MPRIP: variants seen among roughly 807,000 people sequenced by gnomAD.
MPRIP encodes myosin phosphatase Rho interacting protein, also known as myosin phosphatase Rho-interacting protein.
In MPRIP, 59 loss-of-function variants were observed where a neutral mutation model predicts 234.9. The ratio of observed to expected loss-of-function variants is 0.25; its 90% CI spans 0.20 to 0.31. MPRIP has a LOEUF of 0.31. Ranked by LOEUF, MPRIP falls within the 10% of genes least tolerant of loss-of-function variation. The pLI is 1.00. For missense variants in MPRIP, 2,436 were observed against 3,071.0 expected (o/e 0.79, Z 4.89); for synonymous variants, 1,144 against 1,263.9 (o/e 0.91, Z 2.01).
chr17:17,131,895 G>A (rs1031193253), intron 5 of MPRIP, among the ~76,000 whole-genome samples, 194 bp downstream of exon 5: 2 of 152,220 alleles, frequency 1.3e-5, no homozygotes, highest in South Asian at 4.1e-4. Flanking sequence ...AACAGGGACA[G>A]GGTGGCCTGC....
At chr17:17,160,243 G>A (rs2045833728) in intron 14 of MPRIP, among the ~76,000 whole-genome samples, 2 of 152,224 alleles carry the variant, frequency 1.3e-5, no homozygotes, top group Admixed American at 6.5e-5. Context: ...GTGCATTCCT[G>A]TAGTCCCAGC....
rs779207790 is a variant in MPRIP at position 17,177,353 on chromosome 17, A to G, written c.7061A>G (p.Lys2354Arg). The change falls in exon 22 of 24, where the codon AAG becomes AGG. Residue 2354 changes from lysine to arginine, a missense_variant. Lys to Arg is a conservative substitution (Grantham distance 26, BLOSUM62 2). Transcript: ENST00000651222. The part of the protein sequence containing the change: ...CDISRLKEQL[K>R]AATEALGEKS... The stretch of plus-strand genomic sequence containing the variant: ...ATCAGCAGGTTGAAGGAGCAGCTCA[A>G]GGCTGCAACGGAAGCACTGGGGGAG... The G allele has an allele frequency of 1.4e-5, 22 of 1,613,930 alleles. 1 individual carries two copies. The highest frequency in any genetic ancestry group is 1.6e-4 in the Middle Eastern group (1 of 6,062).
At chr17:17,144,503 G>T (rs889106841) in intron 9 of MPRIP, among the ~76,000 whole-genome samples, 1 of 152,258 alleles carries the variant, frequency 6.6e-6, no homozygotes, top group East Asian at 1.9e-4. Context: ...ATTGGGGTCA[G>T]ATTGCAGGCT....
At position 17,138,642 on chromosome 17, in the gene MPRIP, C is replaced by T. The variant is rs997359249; in HGVS notation, c.1250+213C>T. Among the ~76,000 whole-genome samples the T allele has an allele frequency of 5.3e-5, 8 of 152,226 alleles. No homozygotes were observed. The highest frequency in any genetic ancestry group is 8.8e-5 in the Non-Finnish European group (6 of 68,038). ...TGCAGAATTTCTGAGCATCAGAGGT[C>T]GACGCCAAGAATAGCAGTTTTCACA... On this transcript the variant is annotated intron_variant, in intron 7 of 23. Transcript: ENST00000651222. The surrounding 1 kb of genome is among the most constrained non-coding windows in gnomAD (Gnocchi z 5.8).
At chr17:17,092,213 A>G (rs1406903530) in intron 3 of MPRIP, among the ~76,000 whole-genome samples, 1 of 152,264 alleles carries the variant, frequency 6.6e-6, no homozygotes, top group Non-Finnish European at 1.5e-5. Context: ...GGCTAGAGCC[A>G]CAGGTGTCAG....
chr17:17,082,285 ATTTTT>A (rs71355536), intron 3 of MPRIP, among the ~76,000 whole-genome samples: 5 of 88,700 alleles, frequency 5.6e-5, no homozygotes, highest in African/African-American at 1.4e-4. Context: ...GCTTTTTCCA[ATTTTT>A]TTTTTTTTTT....
chr17:17,136,607 A>G (rs139163752), intron 6 of MPRIP, among the ~76,000 whole-genome samples, 157 bp downstream of exon 6: 1 of 152,320 alleles, frequency 6.6e-6, no homozygotes, highest in East Asian at 1.9e-4. Flanking sequence ...CTGGCCTGGT[A>G]TGTTCTGAGA....
intron 10 of MPRIP, among the ~76,000 whole-genome samples, chr17:17,146,535 G>A (rs1347547958): frequency 6.6e-6 from 1 of 152,224 alleles, no homozygotes; most frequent in Non-Finnish European, 1.5e-5. Context: ...AGACCCCTCA[G>A]CTGCAGTGGC....
At chr17:17,112,231 A>G (rs1412119724) in intron 3 of MPRIP, among the ~76,000 whole-genome samples, 1 of 150,400 alleles carries the variant, frequency 6.6e-6, no homozygotes, top group Non-Finnish European at 1.5e-5. Flanking sequence ...CTGCCCTCCC[A>G]CTCCTTGGGC....
chr17:17,177,852 T>G (rs981260965), intron 22 of MPRIP, among the ~76,000 whole-genome samples: 1 of 151,810 alleles, frequency 6.6e-6, no homozygotes. Context: ...AACATTTAGG[T>G]ACCCTGTAAA....
intron 1 of MPRIP, among the ~76,000 whole-genome samples, chr17:17,060,417 T>C (rs1264693500): frequency 6.6e-6 from 1 of 152,204 alleles, no homozygotes; most frequent in African/African-American, 2.4e-5. Context: ...CCTGCTAAAC[T>C]GGGGAGGAGT....
intron 3 of MPRIP, among the ~76,000 whole-genome samples, chr17:17,080,071 G>A (rs887146473): frequency 1.3e-5 from 2 of 152,246 alleles, no homozygotes; most frequent in African/African-American, 4.8e-5. Flanking sequence ...GCCCAGAGCT[G>A]GGAGTTTTGG....
At chr17:17,075,629 C>T (rs762905251) in intron 1 of MPRIP, 81 bp from the exon 2 acceptor site, 48 of 1,184,656 alleles carry the variant, frequency 4.1e-5, no homozygotes, top group Admixed American at 5.2e-5. Context: ...CTGTTTCCAG[C>T]GAGTGCTTGC....
chr17:17,098,165 C>T (rs187956415), intron 3 of MPRIP, among the ~76,000 whole-genome samples: 65 of 152,228 alleles, frequency 4.3e-4, no homozygotes, highest in Admixed American at 2.6e-3. Flanking sequence ...TTTTGATAAG[C>T]GAGGAAACCG....
chr17:17,114,541 G>C (rs1484928124), intron 3 of MPRIP, among the ~76,000 whole-genome samples: 1 of 152,038 alleles, frequency 6.6e-6, no homozygotes, highest in Non-Finnish European at 1.5e-5. Flanking sequence ...TATAGCCTTT[G>C]TTCTTGCATT....
At chr17:17,043,653 GCCA>G (rs2088253326) in intron 1 of MPRIP, among the ~76,000 whole-genome samples, 1 of 152,214 alleles carries the variant, frequency 6.6e-6, no homozygotes, top group Non-Finnish European at 1.5e-5. Context: ...TAGAGTCATA[GCCA>G]TTAAACACAG....
intron 8 of MPRIP, 40 bp downstream of exon 8, chr17:17,142,805 G>T: frequency 6.2e-7 from 1 of 1,601,832 alleles, no homozygotes; most frequent in South Asian, 1.1e-5. Flanking sequence ...GGGGTGGCTC[G>T]GGGGCGGGTC....
intron 1 of MPRIP, among the ~76,000 whole-genome samples, chr17:17,058,856 G>A (rs1205427086): frequency 1.3e-5 from 2 of 152,136 alleles, no homozygotes; most frequent in Middle Eastern, 3.2e-3. Flanking sequence ...TGGGCACATG[G>A]CAACTGAGAA....
chr17:17,113,470 G>A (rs1322693397), intron 3 of MPRIP, among the ~76,000 whole-genome samples: 1 of 152,200 alleles, frequency 6.6e-6, no homozygotes, highest in Non-Finnish European at 1.5e-5. Flanking sequence ...GCACATACCA[G>A]AATTTCTTTC....
Sources: gnomAD v4.1 joint callset for allele counts (sites outside exome capture counted in the v4.1 genomes callset) on GRCh38, gnomAD v4.1.1 for gene constraint, Gnocchi (gnomAD v3.1) non-coding constraint, MANE v1.5 for transcripts, NCBI Gene and HGNC (gene_info 2026-07-23, HGNC 2026-07-21) for gene names.